PTPRN2: variants seen among roughly 807,000 people sequenced by gnomAD.
PTPRN2 encodes protein tyrosine phosphatase receptor type N2.
Under a neutral mutation model 118.8 loss-of-function variants are expected in PTPRN2, and 74 were observed. The ratio of observed to expected loss-of-function variants is 0.62; its 90% CI spans 0.52 to 0.76. PTPRN2 has a LOEUF of 0.76. Ranked by LOEUF, PTPRN2 falls within the 30% of genes least tolerant of loss-of-function variation. The pLI, the probability that PTPRN2 is intolerant of heterozygous loss-of-function variation, is 0.00. For synonymous variants in PTPRN2, 641 were observed against 608.0 expected (o/e 1.05, Z -0.80); for missense variants, 1,481 against 1,394.4 (o/e 1.06, Z -0.99).
At chr7:158,469,624 T>C (rs1419223185) in intron 2 of PTPRN2, among the ~76,000 whole-genome samples, 1 of 152,046 alleles carries the variant, frequency 6.6e-6, no homozygotes, top group Non-Finnish European at 1.5e-5. Context: ...CTCGAGAGCG[T>C]TTCTGTTCCT....
intron 15 of PTPRN2, among the ~76,000 whole-genome samples, chr7:157,608,192 C>T (rs983879189): frequency 6.6e-6 from 1 of 152,158 alleles, no homozygotes; most frequent in South Asian, 2.1e-4. Flanking sequence ...CTCAGCCTCC[C>T]GAGTAGCTGG....
At position 158,481,590 on chromosome 7, in the gene PTPRN2, C is replaced by T. The variant is rs545786769; in HGVS notation, c.163+8145G>A. On this transcript the variant is annotated intron_variant, in intron 2 of 22. Transcript: ENST00000389418. ...AGCAATTCCTTGCCTCAGCCTCCCGCATAGCTGGGATTACAGGCACATGCC... is the reference window on the plus strand; with the variant it reads ...AGCAATTCCTTGCCTCAGCCTCCCGTATAGCTGGGATTACAGGCACATGCC... Among the ~76,000 whole-genome samples, 4 of 152,300 alleles carry T rather than the reference C, an allele frequency of 2.6e-5. No individual in the cohort carries two copies. In the South Asian group the frequency reaches 6.2e-4, roughly 24 times the overall value.
At chr7:158,345,502 C>T (rs6951257) in intron 2 of PTPRN2, among the ~76,000 whole-genome samples, 2,273 of 152,114 alleles carry the variant, frequency 0.015, 57 homozygotes, top group African/African-American at 0.052. Flanking sequence ...TTTTGGAAGC[C>T]CCAGGTAGAA....
chr7:157,715,411 G>C (rs1043006531), intron 12 of PTPRN2, among the ~76,000 whole-genome samples: 1 of 152,240 alleles, frequency 6.6e-6, no homozygotes, highest in Non-Finnish European at 1.5e-5. Flanking sequence ...CAAAGTGATA[G>C]GGGATGAAGG....
At chr7:157,807,861 C>G (rs961828898) in intron 12 of PTPRN2, among the ~76,000 whole-genome samples, 3 of 152,208 alleles carry the variant, frequency 2.0e-5, no homozygotes, top group African/African-American at 7.2e-5. Context: ...TCTCATGGCA[C>G]GTCAGGCTCT....
At chr7:157,759,260 G>A (rs1403770064) in intron 12 of PTPRN2, among the ~76,000 whole-genome samples, 2 of 152,218 alleles carry the variant, frequency 1.3e-5, no homozygotes, top group Non-Finnish European at 2.9e-5. Context: ...CCCAAATCCT[G>A]TCAATGCAGC....
chr7:158,045,121 G>T (rs1808748432), intron 11 of PTPRN2, among the ~76,000 whole-genome samples: 1 of 152,158 alleles, frequency 6.6e-6, no homozygotes, highest in Non-Finnish European at 1.5e-5. Flanking sequence ...AGAGATTGAT[G>T]CTGAAACCAC....
intron 2 of PTPRN2, among the ~76,000 whole-genome samples, chr7:158,365,944 A>G (rs1270576295): frequency 1.5e-5 from 2 of 132,706 alleles, no homozygotes; most frequent in African/African-American, 2.9e-5. Context: ...CCACAGCCCA[A>G]TGCACACATG....
Position 157,918,868 on chromosome 7 carries a change from C to A in PTPRN2, c.1724-20131G>T, listed in dbSNP as rs1041259615. ...GAGGGACGGAAGGGCCTGACGGCGG[C>A]CATCCTCCACCAGCCACGTTCCGGG... On this transcript the variant is annotated intron_variant, in intron 11 of 22. Coordinates refer to ENST00000389418, the MANE Select transcript of PTPRN2 (RefSeq NM_002847.5). Among the ~76,000 whole-genome samples the A allele has an allele frequency of 2.0e-5, 3 of 152,336 alleles. 1 individual carries two copies. Among genetic ancestry groups the A allele is most frequent in the African/African-American group, 7.2e-5 (3 of 41,586 alleles).
At chr7:158,534,010 A>AC (rs763839753) in intron 1 of PTPRN2, among the ~76,000 whole-genome samples, 4 of 150,662 alleles carry the variant, frequency 2.7e-5, no homozygotes, top group Non-Finnish European at 3.0e-5. Flanking sequence ...GTGACCACCC[A>AC]CCCCCCGGGC....
rs985211078 is a variant in PTPRN2 at position 157,560,790 on chromosome 7, C to T, written c.2902+8112G>A. ...TGCCTGAGCGAGACAAGAGACACTGCGGGCCCAACGTGTCTGTGAGGTCCC... is the reference window on the plus strand; with the variant it reads ...TGCCTGAGCGAGACAAGAGACACTGTGGGCCCAACGTGTCTGTGAGGTCCC... On this transcript the variant is annotated intron_variant, in intron 21 of 22. Transcript: ENST00000389418. This position sits in a 1 kb window ranked among gnomAD's most constrained non-coding sequence, Gnocchi z 6.7. Among the ~76,000 whole-genome samples the T allele has an allele frequency of 3.9e-5, 6 of 152,206 alleles. No individual in the cohort carries two copies. The highest frequency in any genetic ancestry group is 1.2e-4 in the African/African-American group (5 of 41,448).
chr7:158,483,430 G>T (rs934738115), intron 2 of PTPRN2, among the ~76,000 whole-genome samples: 5 of 152,158 alleles, frequency 3.3e-5, no homozygotes, highest in African/African-American at 9.7e-5. Context: ...TCCAAATAGG[G>T]TTAATCACAT....
At chr7:157,810,913 G>A (rs1281877592) in intron 12 of PTPRN2, among the ~76,000 whole-genome samples, 1 of 152,080 alleles carries the variant, frequency 6.6e-6, no homozygotes, top group Non-Finnish European at 1.5e-5. Flanking sequence ...TCTGAAGACT[G>A]AGCACTGAGG....
At chr7:158,161,329 T>C (rs751731554) in intron 6 of PTPRN2, among the ~76,000 whole-genome samples, 15 of 152,196 alleles carry the variant, frequency 9.9e-5, no homozygotes, top group Non-Finnish European at 1.8e-4. Flanking sequence ...ACTACACCCA[T>C]TGTTACGACT....
At chr7:158,176,849 A>G (rs1394394140) in intron 5 of PTPRN2, among the ~76,000 whole-genome samples, 1 of 152,224 alleles carries the variant, frequency 6.6e-6, no homozygotes, top group Non-Finnish European at 1.5e-5. Context: ...GTGGCATCCA[A>G]CATGTGGAGG....
chr7:157,870,107 G>T lies in PTPRN2; in HGVS notation c.1788+28566C>A, dbSNP rs138126959. Among the ~76,000 whole-genome samples the T allele has an allele frequency of 2.1e-3, 319 of 152,288 alleles. 1 individual carries two copies. Among genetic ancestry groups the T allele is most frequent in the African/African-American group, 7.3e-3 (302 of 41,558 alleles). The stretch of plus-strand genomic sequence containing the variant: ...CCGCTGTTAAAAATTTCCATTGAAA[G>T]CTCTGCCCTTGGCTGCAGCTCATCT... On this transcript the variant is annotated intron_variant, in intron 12 of 22. Coordinates refer to ENST00000389418, the MANE Select transcript of PTPRN2 (RefSeq NM_002847.5).
intron 12 of PTPRN2, among the ~76,000 whole-genome samples, chr7:157,747,349 G>A (rs571859395): frequency 2.1e-5 from 3 of 144,970 alleles, no homozygotes; most frequent in East Asian, 4.5e-4. Flanking sequence ...GCTGTGGGGT[G>A]TCCGGGTGAT....
At chr7:157,940,403 G>C (rs889268940) in intron 11 of PTPRN2, among the ~76,000 whole-genome samples, 1 of 152,122 alleles carries the variant, frequency 6.6e-6, no homozygotes, top group African/African-American at 2.4e-5. Context: ...AAGAAATGAA[G>C]AAGCCTAGAA....
intron 12 of PTPRN2, among the ~76,000 whole-genome samples, chr7:157,819,249 G>A (rs2151135143): frequency 6.6e-6 from 1 of 152,296 alleles, no homozygotes; most frequent in East Asian, 1.9e-4. Context: ...GTCTTCCAAA[G>A]TGAGCCCTCA....
Sources: gnomAD v4.1 joint callset for allele counts (sites outside exome capture counted in the v4.1 genomes callset) on GRCh38, gnomAD v4.1.1 for gene constraint, Gnocchi (gnomAD v3.1) non-coding constraint, MANE v1.5 for transcripts, NCBI Gene and HGNC (gene_info 2026-07-23, HGNC 2026-07-21) for gene names.